Variants in CACNA1D observed in about 807,000 individuals in gnomAD.
The protein encoded by CACNA1D is voltage-dependent L-type calcium channel subunit alpha-1D.
In CACNA1D, 55 loss-of-function variants were observed where a neutral mutation model predicts 257.1. The ratio of observed to expected loss-of-function variants is 0.21; its 90% confidence interval spans 0.17 to 0.27. The LOEUF (loss-of-function observed/expected upper bound fraction) is 0.27, where lower values mean the gene tolerates loss of function less well. CACNA1D is among the 10% of genes least tolerant of loss of function. CACNA1D has a pLI of 1.00. For missense variants in CACNA1D, 1,876 were observed against 2,784.0 expected (o/e 0.67, Z 7.34); for synonymous variants, 980 against 1,014.9 (o/e 0.97, Z 0.65).
rs780040123 is a variant in CACNA1D, at chr3:53,803,451, A to G, written c.5464A>G (p.Thr1822Ala). Residue 1822 changes from threonine (T) to alanine (A), a missense_variant, in exon 44 of 48, where the codon ACT becomes GCT. Around this residue, in one of 10 missense-constraint regions of CACNA1D, gnomAD observed 491 missense variants for 554.3 expected, o/e 0.89. Coordinates refer to ENST00000350061, the MANE Select transcript of CACNA1D (RefSeq NM_001128840.3). Reference protein sequence around the residue: ...RSDSGDEQLPTICREDPEIHG... With the variant: ...RSDSGDEQLPAICREDPEIHG... ...CGACTCAGGAGATGAACAGCTCCCA[A>G]CTATTTGCCGGGAAGACCCAGAGAT... The G allele has an allele frequency of 6.2e-7, 1 of 1,614,222 alleles. No homozygotes were observed. The highest frequency in any genetic ancestry group is 2.2e-5 in the East Asian group (1 of 44,874).
chr3:53,555,460 G>GTGTGTT (rs1553725643), intron 3 of CACNA1D, among the ~76,000 whole-genome samples: 4 of 78,364 alleles, frequency 5.1e-5, no homozygotes, highest in East Asian at 6.2e-4. Flanking sequence ...GTGTGTGTGT[G>GTGTGTT]TTTTTTTTTT....
chr3:53,686,770 T>C (rs1294232650), intron 8 of CACNA1D, among the ~76,000 whole-genome samples: 3 of 152,070 alleles, frequency 2.0e-5, no homozygotes, highest in Non-Finnish European at 4.4e-5. Flanking sequence ...TTTTCTATCT[T>C]CTTTTATTCA....
At chr3:53,565,065 T>TA (rs2092810088) in intron 3 of CACNA1D, among the ~76,000 whole-genome samples, 2 of 152,198 alleles carry the variant, frequency 1.3e-5, no homozygotes, top group African/African-American at 4.8e-5. Context: ...ACAGATTACT[T>TA]AAAGTCTAAC....
intron 29 of CACNA1D, among the ~76,000 whole-genome samples, chr3:53,754,524 G>T (rs926194602): frequency 3.9e-5 from 6 of 152,164 alleles, no homozygotes; most frequent in African/African-American, 1.2e-4. Context: ...TCCCATATAC[G>T]CACTGCTTAA....
At chr3:53,676,060 G>A (rs906118903) in intron 8 of CACNA1D, among the ~76,000 whole-genome samples, 1 of 152,192 alleles carries the variant, frequency 6.6e-6, no homozygotes, top group Non-Finnish European at 1.5e-5. Flanking sequence ...GTCCAGAGGC[G>A]AGGGGTGCCA....
At chr3:53,500,252 C>T (rs1255031095) in intron 2 of CACNA1D, among the ~76,000 whole-genome samples, 3 of 15,298 alleles carry the variant, frequency 2.0e-4, no homozygotes, top group Non-Finnish European at 5.8e-4. Context: ...CCTGTCTCTA[C>T]TAAAAAAAAA....
chr3:53,599,669 T>C (rs1193124994), intron 3 of CACNA1D, among the ~76,000 whole-genome samples: 1 of 152,232 alleles, frequency 6.6e-6, no homozygotes, highest in Admixed American at 6.5e-5. Context: ...ATTAATTGAA[T>C]GACACGATAT....
intron 18 of CACNA1D, among the ~76,000 whole-genome samples, chr3:53,732,341 G>A (rs1188620823): frequency 2.0e-5 from 3 of 152,184 alleles, no homozygotes; most frequent in Admixed American, 6.5e-5. Flanking sequence ...GGTCCAGGAG[G>A]CCCCCCGGTG....
At chr3:53,589,498 GGGT>G (rs1233055171) in intron 3 of CACNA1D, among the ~76,000 whole-genome samples, 5 of 152,156 alleles carry the variant, frequency 3.3e-5, no homozygotes, top group African/African-American at 9.7e-5. Flanking sequence ...TGTCCTAGCT[GGGT>G]GACATAAGCC....
intron 6 of CACNA1D, 119 bp from the exon 7 acceptor site, chr3:53,666,220 G>C: frequency 1.1e-6 from 1 of 908,312 alleles, no homozygotes; most frequent in Non-Finnish European, 1.9e-6. Context: ...AGGATCCTGA[G>C]GCAACGCAGA....
intron 4 of CACNA1D, among the ~76,000 whole-genome samples, chr3:53,654,544 T>G (rs2094130151): frequency 6.6e-6 from 1 of 152,188 alleles, no homozygotes; most frequent in Admixed American, 6.5e-5. Context: ...GAGTATGGAT[T>G]GGTGAGCTAC....
intron 3 of CACNA1D, among the ~76,000 whole-genome samples, chr3:53,526,826 G>A (rs1319368781): frequency 2.0e-5 from 3 of 152,172 alleles, no homozygotes; most frequent in Non-Finnish European, 2.9e-5. Context: ...CATGGCACCT[G>A]GAACATAGTA....
chr3:53,655,744 A>G (rs2094141722), intron 4 of CACNA1D, among the ~76,000 whole-genome samples: 1 of 151,462 alleles, frequency 6.6e-6, no homozygotes, highest in Non-Finnish European at 1.5e-5. Flanking sequence ...TTGTCTTTTT[A>G]CCCTGTTTCT....
At chr3:53,695,285 C>T (rs934680193) in intron 8 of CACNA1D, among the ~76,000 whole-genome samples, 17 of 152,102 alleles carry the variant, frequency 1.1e-4, no homozygotes, top group African/African-American at 4.1e-4. Flanking sequence ...ACTGAGGATC[C>T]CTGTCTGGGG....
Position 53,702,814 on chromosome 3 carries a change from T to A in CACNA1D, c.1390+4T>A. ...GGAGAGGAAGGCAAACGAAATAGTA[T>A]GTAGCGCCTTTCCTGCCCCTGGCTA... is the stretch of plus-strand genomic sequence containing the variant. On this transcript the variant is annotated splice_donor_region_variant and intron_variant, in intron 9 of 47. Transcript: ENST00000350061. The A allele has an allele frequency of 1.9e-6, 3 of 1,614,126 alleles. No homozygotes were observed. Among genetic ancestry groups the A allele is most frequent in the Non-Finnish European group, 2.5e-6 (3 of 1,180,024 alleles).
In CACNA1D at chr3:53,562,523, G is replaced by T. The variant is rs2092758315; in HGVS notation, c.483+60803G>T. Reference sequence around the variant, plus strand: ...GCTGAGAACTGTATTTTTTATAGCTGTATTGAAGTATAGTTTACATATCAA... The same window carrying T: ...GCTGAGAACTGTATTTTTTATAGCTTTATTGAAGTATAGTTTACATATCAA... On this transcript the variant is annotated intron_variant, in intron 3 of 47. Transcript: ENST00000350061. Among the ~76,000 whole-genome samples, 2 of 152,096 alleles carry T rather than the reference G, an allele frequency of 1.3e-5. 1 individual carries two copies. The highest frequency in any genetic ancestry group is 4.1e-4 in the South Asian group (2 of 4,830).
At chr3:53,709,180 C>T (rs2094723437) in intron 9 of CACNA1D, among the ~76,000 whole-genome samples, 1 of 152,182 alleles carries the variant, frequency 6.6e-6, no homozygotes, top group African/African-American at 2.4e-5. Context: ...AATGAAAGAA[C>T]ATAGAGTAAT....
intron 4 of CACNA1D, among the ~76,000 whole-genome samples, chr3:53,657,408 G>A (rs2094158968): frequency 6.6e-6 from 1 of 152,098 alleles, no homozygotes; most frequent in Non-Finnish European, 1.5e-5. Flanking sequence ...ACAAGGCTGT[G>A]CAAAAGGGGC....
At chr3:53,709,273 A>T (rs1055896909) in intron 9 of CACNA1D, among the ~76,000 whole-genome samples, 4 of 152,208 alleles carry the variant, frequency 2.6e-5, no homozygotes, top group African/African-American at 9.6e-5. Context: ...TCTTCTTCAC[A>T]CAACTCTGTG....
Sources: allele counts gnomAD v4.1 joint callset (sites outside exome capture counted in the v4.1 genomes callset), GRCh38; gene constraint gnomAD v4.1.1; regional missense constraint gnomAD v4.1.1; transcripts MANE v1.5; gene names NCBI Gene and HGNC (gene_info 2026-07-23, HGNC 2026-07-21).